Variants in RANGAP1 observed in about 807,000 individuals in gnomAD.
RANGAP1 encodes the protein Ran GTPase activating protein 1, also known as ran GTPase-activating protein 1.
In RANGAP1, 38 loss-of-function variants were observed where a neutral mutation model predicts 63.5. The observed-to-expected ratio is 0.60, with a 90% CI of 0.46 to 0.78. The LOEUF (loss-of-function observed/expected upper bound fraction) is 0.78. Among genes scored for constraint, RANGAP1 ranks in the 30% least tolerant of loss-of-function variants. The probability of loss-of-function intolerance (pLI) is 0.00; values close to 1 mark genes in which losing one functional copy is unlikely to be tolerated. For synonymous variants in RANGAP1, 329 were observed against 310.5 expected (o/e 1.06, Z -0.63); for missense variants, 630 against 740.3 (o/e 0.85, Z 1.73).
chr22:41,260,642 G>A (rs1211878843), intron 6 of RANGAP1, among the ~76,000 whole-genome samples: 1 of 152,220 alleles, frequency 6.6e-6, no homozygotes, highest in African/African-American at 2.4e-5. Context: ...GAGGTCAGGA[G>A]TTCGAGACCA....
At position 41,251,008 on chromosome 22, in the gene RANGAP1, T is replaced by C; in HGVS notation, c.1482A>G (p.Val494=). The change falls in exon 13 of 16, where the codon GTA becomes GTG. Residue 494 remains valine (V), a splice_region_variant and synonymous_variant. Transcript: ENST00000356244. ...ATVRMAVQDA[V]DALMQKAFNS... is the part of the protein sequence containing the mutation. ...CAGGTCTCACCCAGCCCACATTACC[T>C]ACTGCATCCTGCACTGCCATCCTCA... 6.2e-7 allele frequency: 1 copy of C among 1,613,932 alleles called. No individual in the cohort carries two copies. The highest frequency in any genetic ancestry group is 8.5e-7 in the Non-Finnish European group (1 of 1,179,852).
At chr22:41,276,679 G>GAA (rs917804891) in intron 2 of RANGAP1, among the ~76,000 whole-genome samples, 26 of 140,560 alleles carry the variant, frequency 1.8e-4, no homozygotes, top group Non-Finnish European at 3.1e-4. Context: ...CTATGTTCAG[G>GAA]AAAAAAAAAA....
At chr22:41,280,548 A>T in intron 2 of RANGAP1, 1 of 644,784 alleles carries the variant, frequency 1.6e-6, no homozygotes. Context: ...AGCTCTGGGG[A>T]AAGCTGCAGC....
At position 41,250,110 on chromosome 22, in the gene RANGAP1, G is replaced by C. The variant is rs571310403; in HGVS notation, c.1484-293C>G. On this transcript the variant is annotated intron_variant, in intron 13 of 15. Coordinates refer to ENST00000356244, the MANE Select transcript of RANGAP1 (RefSeq NM_002883.4). ...CCCACTGTGCCCACCTCACACCGTG[G>C]GAATGGAGATTTCCTGAGGCAGGCT... Among the ~76,000 whole-genome samples the C allele has an allele frequency of 1.6e-4, 25 of 152,380 alleles. No homozygotes were observed. In the South Asian group the frequency reaches 5.2e-3, roughly 32 times the overall value.
intron 3 of RANGAP1, among the ~76,000 whole-genome samples, chr22:41,271,751 G>A (rs1167423412): frequency 6.6e-6 from 1 of 151,652 alleles, no homozygotes; most frequent in East Asian, 1.9e-4. Context: ...CCTACTCCTA[G>A]TTGTGTGACT....
At position 41,274,583 on chromosome 22, in the gene RANGAP1, C is replaced by T. The variant is rs541024010; in HGVS notation, c.240+17G>A. 1.4e-5 allele frequency: 22 copies of T among 1,613,422 alleles called. No individual in the cohort carries two copies. Among genetic ancestry groups the T allele is most frequent in the Admixed American group, 6.7e-5 (4 of 59,954 alleles). On this transcript the variant is annotated intron_variant, in intron 3 of 15. Coordinates refer to ENST00000356244, the MANE Select transcript of RANGAP1 (RefSeq NM_002883.4). ...TTGTTCAAACCAGCCTGGGCCTACT[C>T]GCCCCACTCTGCTCACCTTCAACTC...
In RANGAP1 at chr22:41,252,800, G is replaced by T. The variant is rs995521878; in HGVS notation, c.1380+72C>A. On this transcript the variant is annotated intron_variant, in intron 12 of 15. Transcript: ENST00000356244. ...CGTCGCACCCCCAGGTCTCTGAGCT[G>T]TTCGTCCCTTTTCTCTAACAGCTCC... The T allele has an allele frequency of 3.5e-6, 5 of 1,443,992 alleles. No homozygotes were observed. The South Asian group carries it at 7.5e-5, about 22-fold the overall frequency. The allele number at this position is 1,443,992 out of a possible 1,614,324, so 89.4% of individuals were successfully genotyped here.
At chr22:41,262,594 G>A (rs899727271) in intron 5 of RANGAP1, among the ~76,000 whole-genome samples, 3 of 137,660 alleles carry the variant, frequency 2.2e-5, no homozygotes, top group Non-Finnish European at 4.9e-5. Context: ...ACTGCACACA[G>A]CCATCCTTGA....
rs777471983 is a variant in RANGAP1, at chr22:41,252,874, G to C, written c.1378C>G (p.Gln460Glu). 5 of 1,571,470 alleles carry C rather than the reference G, an allele frequency of 3.2e-6. No homozygotes were observed. Among genetic ancestry groups the C allele is most frequent in the Non-Finnish European group, 4.3e-6 (5 of 1,160,840 alleles). Residue 460 changes from glutamine (Q) to glutamate (E), a missense_variant and splice_region_variant, in exon 12 of 16, where the codon CAG becomes GAG. Around this residue, in one of 3 missense-constraint regions of RANGAP1, gnomAD observed 428 missense variants for 465.5 expected, o/e 0.92. Coordinates refer to ENST00000356244, the MANE Select transcript of RANGAP1 (RefSeq NM_002883.4). ...GGGGGTCGAGGGGTGGTTATTACCTGCTGGGCTATCAGCACGGAGCTCTTG... is the reference window on the plus strand; with the variant it reads ...GGGGGTCGAGGGGTGGTTATTACCTCCTGGGCTATCAGCACGGAGCTCTTG... The part of the protein sequence containing the change: ...GPKSSVLIAQ[Q>E]TDTSDPEKVV...
At chr22:41,277,464 C>T (rs2035223487) in intron 2 of RANGAP1, 1 of 1,195,878 alleles carries the variant, frequency 8.4e-7, no homozygotes, top group Non-Finnish European at 1.1e-6. Flanking sequence ...CTGAACAAAA[C>T]CAAAACTTAC....
chr22:41,261,302 TG>T, intron 6 of RANGAP1, 143 bp downstream of exon 6: 1 of 1,252,546 alleles, frequency 8.0e-7, no homozygotes, highest in Non-Finnish European at 1.1e-6. Flanking sequence ...CATTTTCGGA[TG>T]GGTTAACAGG....
At chr22:41,294,726 C>T in the RANGAP1 span, among the ~76,000 whole-genome samples, 2 of 140,890 alleles carry the variant, frequency 1.4e-5, no homozygotes, top group East Asian at 2.1e-4. Context: ...ATGTGAGGAG[C>T]GTCTCTGCCC....
At chr22:41,252,609 T>C (rs2033539892) in intron 12 of RANGAP1, among the ~76,000 whole-genome samples, 2 of 152,254 alleles carry the variant, frequency 1.3e-5, no homozygotes, top group Admixed American at 1.3e-4. Context: ...TGCAAGGCTC[T>C]TAAGGAAATT....
intron 3 of RANGAP1, 84 bp from the exon 4 acceptor site, chr22:41,268,240 A>C (rs1348337839): frequency 4.4e-6 from 5 of 1,146,774 alleles, no homozygotes; most frequent in Non-Finnish European, 5.1e-6. Flanking sequence ...GATTTGAACT[A>C]CCAGAGCATC....
upstream of RANGAP1, among the ~76,000 whole-genome samples, chr22:41,287,345 A>T (rs143329521): frequency 7.9e-5 from 12 of 151,486 alleles, no homozygotes; most frequent in African/African-American, 2.9e-4. Context: ...TGTAGGTGTG[A>T]ATTTAAGCAT....
intron 11 of RANGAP1, among the ~76,000 whole-genome samples, chr22:41,254,095 T>G (rs1319687785): frequency 6.8e-6 from 1 of 148,128 alleles, no homozygotes; most frequent in Admixed American, 6.9e-5. Flanking sequence ...GTGACAAGAG[T>G]GAGACTCCAT....
Position 41,257,713 on chromosome 22 carries a change from C to T in RANGAP1, c.774+235G>A, listed in dbSNP as rs1054950737. On this transcript the variant is annotated intron_variant, in intron 7 of 15. Coordinates refer to ENST00000356244, the MANE Select transcript of RANGAP1 (RefSeq NM_002883.4). The surrounding 1 kb of genome is among the most constrained non-coding windows in gnomAD (Gnocchi z 4.0). Reference sequence around the variant, plus strand: ...CGGCAGCCGCTGGGGGCTGCAGAGGCGGCTCAGGAGAAGGTGGCATGAAGA... The same window carrying T: ...CGGCAGCCGCTGGGGGCTGCAGAGGTGGCTCAGGAGAAGGTGGCATGAAGA... 3.9e-5 allele frequency among the ~76,000 whole-genome samples: 6 copies of T among 152,226 alleles called. No individual in the cohort carries two copies. Among genetic ancestry groups the T allele is most frequent in the Non-Finnish European group, 7.3e-5 (5 of 68,040 alleles).
intron 15 of RANGAP1, among the ~76,000 whole-genome samples, chr22:41,247,307 G>A (rs1299112879): frequency 3.3e-5 from 5 of 151,940 alleles, no homozygotes; most frequent in Admixed American, 6.6e-5. Flanking sequence ...CTCCCACCTC[G>A]GCCTCCCAAA....
Position 41,261,557 on chromosome 22 carries a change from T to C in RANGAP1, c.504A>G (p.Glu168=). ...CTTGGGCACTGGATTTCCGGTGACA[T>C]TCGGTCAGAGCTGCAGCCAGGATCT... ...GGKILAAALT[E]CHRKSSAQGK... is the part of the protein sequence containing the mutation. Residue 168 remains glutamate, a synonymous_variant, in exon 6 of 16, where the codon GAA becomes GAG. Coordinates refer to ENST00000356244, the MANE Select transcript of RANGAP1 (RefSeq NM_002883.4). 1 of 1,614,184 alleles carries C rather than the reference T, an allele frequency of 6.2e-7. No homozygotes were observed. The highest frequency in any genetic ancestry group is 8.5e-7 in the Non-Finnish European group (1 of 1,180,028).
Sources: gnomAD v4.1 joint callset for allele counts (sites outside exome capture counted in the v4.1 genomes callset) on GRCh38, gnomAD v4.1.1 for gene constraint, gnomAD v4.1.1 regional missense constraint, Gnocchi (gnomAD v3.1) non-coding constraint, MANE v1.5 for transcripts, NCBI Gene and HGNC (gene_info 2026-07-23, HGNC 2026-07-21) for gene names.